Variants in PDE7A observed in about 807,000 individuals in gnomAD.
The protein encoded by PDE7A is phosphodiesterase 7A, also known as high affinity 3',5'-cyclic-AMP phosphodiesterase 7A.
A neutral mutation model predicts 64.3 loss-of-function variants in PDE7A; 39 were observed. The ratio of observed to expected loss-of-function variants is 0.61; its 90% CI spans 0.47 to 0.79. The LOEUF is 0.79. Ranked by LOEUF, PDE7A falls within the 30% of genes least tolerant of loss-of-function variation. The pLI, the probability that PDE7A is intolerant of heterozygous loss-of-function variation, is 0.00. For missense variants in PDE7A, 470 were observed against 582.8 expected (o/e 0.81, Z 1.99); for synonymous variants, 203 against 206.8 (o/e 0.98, Z 0.16).
In PDE7A at chr8:65,724,899, C is replaced by CT; in HGVS notation, c.942dup (p.Gly315ArgfsTer14). On this transcript the variant is annotated frameshift_variant, in exon 10 of 13. Coordinates refer to ENST00000401827, the MANE Select transcript of PDE7A (RefSeq NM_001242318.3). LOFTEE classifies it high-confidence loss of function. ...ATGTCTGTGGCTAGTATCAGAGCAC[C>CT]TATCTGTGTCTCCATTTGTTGCCTG... The CT allele has an allele frequency of 6.2e-7, 1 of 1,603,182 alleles. No individual in the cohort carries two copies. The highest frequency in any genetic ancestry group is 8.5e-7 in the Non-Finnish European group (1 of 1,173,864).
At chr8:65,758,426 G>T (rs1808338177) in intron 3 of PDE7A, among the ~76,000 whole-genome samples, 1 of 152,160 alleles carries the variant, frequency 6.6e-6, no homozygotes, top group South Asian at 2.1e-4. Flanking sequence ...AACTACAGTT[G>T]TTATACTAGT....
intron 5 of PDE7A, among the ~76,000 whole-genome samples, chr8:65,743,270 T>A (rs1807521926): frequency 6.6e-6 from 1 of 152,148 alleles, no homozygotes; most frequent in African/African-American, 2.4e-5. Flanking sequence ...GTGGGCCACT[T>A]GATATTTCAC....
intron 1 of PDE7A, among the ~76,000 whole-genome samples, chr8:65,827,869 T>C (rs973869802): frequency 1.3e-5 from 2 of 152,204 alleles, no homozygotes; most frequent in East Asian, 3.8e-4. Context: ...TTTATCAGTA[T>C]GTATCCTCAT....
intron 5 of PDE7A, among the ~76,000 whole-genome samples, chr8:65,741,141 A>G (rs1410528146): frequency 6.6e-6 from 1 of 152,200 alleles, no homozygotes; most frequent in Non-Finnish European, 1.5e-5. Flanking sequence ...GTAAACTTCC[A>G]TAGGACACAT....
intron 1 of PDE7A, among the ~76,000 whole-genome samples, chr8:65,823,211 G>A (rs1377598725): frequency 2.0e-5 from 3 of 152,044 alleles, no homozygotes; most frequent in Non-Finnish European, 4.4e-5. Context: ...ATAGAAATGA[G>A]CTGAGGCCAA....
At chr8:65,768,981 C>T (rs571659630) in intron 3 of PDE7A, among the ~76,000 whole-genome samples, 1 of 152,156 alleles carries the variant, frequency 6.6e-6, no homozygotes, top group Non-Finnish European at 1.5e-5. Context: ...GGCGAGGTGG[C>T]TCACACCTGT....
intron 1 of PDE7A, among the ~76,000 whole-genome samples, chr8:65,791,773 CTAA>C (rs1809709014): frequency 6.6e-6 from 1 of 152,156 alleles, no homozygotes; most frequent in Admixed American, 6.5e-5. Flanking sequence ...GCTTTCATTG[CTAA>C]TGACACATTT....
intron 3 of PDE7A, among the ~76,000 whole-genome samples, chr8:65,758,261 ATCAGGCCC>A (rs936335798): frequency 4.6e-5 from 7 of 152,150 alleles, no homozygotes; most frequent in Non-Finnish European, 1.5e-5. Flanking sequence ...ACCCACCCCC[ATCAGGCCC>A]TCAGGAATTC....
intron 1 of PDE7A, among the ~76,000 whole-genome samples, chr8:65,810,360 T>TGGGGG (rs370920760): frequency 7.2e-5 from 9 of 124,216 alleles, no homozygotes; most frequent in Non-Finnish European, 1.2e-4. Context: ...GGTGGGGGGA[T>TGGGGG]GGGGGAGGGA....
At position 65,734,875 on chromosome 8, in the gene PDE7A, G is replaced by C; in HGVS notation, c.615C>G (p.Tyr205Ter). 6.2e-7 allele frequency: 1 copy of C among 1,609,248 alleles called. No individual in the cohort carries two copies. The highest frequency in any genetic ancestry group is 8.5e-7 in the Non-Finnish European group (1 of 1,175,732). Residue 205 changes from tyrosine to a stop codon, truncating the protein, a stop_gained, in exon 7 of 13, where the codon TAC (tyrosine) becomes TAG (stop). Transcript: ENST00000401827. LOFTEE classifies it high-confidence loss of function. Reference sequence around the variant, plus strand: ...CGTTATGGTAAGGATTTTGACTGTGGTAATCTTCTTGAATCATAACTGCAT... The same window carrying C: ...CGTTATGGTAAGGATTTTGACTGTGCTAATCTTCTTGAATCATAACTGCAT... ...RRFLVMIQED[Y>*]HSQNPYHNAV...
At chr8:65,807,199 C>T (rs937323016) in intron 1 of PDE7A, among the ~76,000 whole-genome samples, 1 of 152,180 alleles carries the variant, frequency 6.6e-6, no homozygotes, top group African/African-American at 2.4e-5. Flanking sequence ...TTTAGATCTT[C>T]AATTTCTTTC....
At chr8:65,727,468 T>C (rs1485023033) in intron 7 of PDE7A, 167 bp from the exon 8 acceptor site, 1 of 869,174 alleles carries the variant, frequency 1.2e-6, no homozygotes, top group African/African-American at 1.7e-5. Context: ...ATCTGCCAGG[T>C]CCTGATCTCA....
chr8:65,744,858 A>G (rs1430195123), intron 5 of PDE7A, among the ~76,000 whole-genome samples: 1 of 152,258 alleles, frequency 6.6e-6, no homozygotes, highest in Non-Finnish European at 1.5e-5. Context: ...ATCAAAACAT[A>G]AAATTATGAG....
chr8:65,723,569 G>A lies in PDE7A; in HGVS notation c.1215C>T (p.His405=), dbSNP rs774315369. The change falls in exon 12 of 13, where the codon CAC becomes CAT. Residue 405 remains histidine, a synonymous_variant. Coordinates refer to ENST00000401827, the MANE Select transcript of PDE7A (RefSeq NM_001242318.3). Reference sequence around the variant, plus strand: ...TCTGGATGTTGGCAATAGATTCAGTGTGACGATCGCAAAGTGGACTCACAC... The same window carrying A: ...TCTGGATGTTGGCAATAGATTCAGTATGACGATCGCAAAGTGGACTCACAC... ...HLGVSPLCDR[H]TESIANIQIG... is the part of the protein sequence containing the mutation. 5.7e-6 allele frequency: 9 copies of A among 1,582,710 alleles called. No homozygotes were observed. In the South Asian group the frequency reaches 9.6e-5, roughly 17 times the overall value.
intron 1 of PDE7A, among the ~76,000 whole-genome samples, chr8:65,816,565 G>C (rs150848990): frequency 1.3e-5 from 2 of 152,198 alleles, no homozygotes; most frequent in East Asian, 1.9e-4. Flanking sequence ...CTGTCTTTCT[G>C]TAGGAATGTA....
chr8:65,788,850 ATGT>A, intron 1 of PDE7A: 1 of 1,398,522 alleles, frequency 7.2e-7, no homozygotes, highest in Non-Finnish European at 1.0e-6. Context: ...CTAATGATGA[ATGT>A]CACCATCCTA....
chr8:65,788,764 T>C (rs1283242096), intron 1 of PDE7A: 24 of 619,506 alleles, frequency 3.9e-5, no homozygotes. Context: ...AACTCACAGC[T>C]CTTTTAATCA....
At chr8:65,826,480 C>T (rs1810676954) in intron 1 of PDE7A, among the ~76,000 whole-genome samples, 1 of 152,144 alleles carries the variant, frequency 6.6e-6, no homozygotes, top group African/African-American at 2.4e-5. Context: ...CTTCAGGTGC[C>T]ATCACTTAAC....
chr8:65,814,926 C>A (rs1810359891), intron 1 of PDE7A, among the ~76,000 whole-genome samples: 2 of 151,740 alleles, frequency 1.3e-5, no homozygotes, highest in African/African-American at 4.8e-5. Flanking sequence ...TACTAAAATA[C>A]AAAAATTAGC....
Sources: gnomAD v4.1 joint callset for allele counts (sites outside exome capture counted in the v4.1 genomes callset) on GRCh38, gnomAD v4.1.1 for gene constraint, MANE v1.5 for transcripts, NCBI Gene and HGNC (gene_info 2026-07-23, HGNC 2026-07-21) for gene names.